Variants in SOAT1 observed in about 807,000 individuals in gnomAD.
SOAT1 encodes the protein acyl-coenzyme A:cholesterol acyltransferase 1.
A neutral mutation model predicts 69.5 loss-of-function variants in SOAT1; 55 were observed. That is an observed-to-expected ratio of 0.79 (90% CI 0.64 to 0.99). The LOEUF (loss-of-function observed/expected upper bound fraction) is 0.99, where lower values mean the gene tolerates loss of function less well. Among genes scored for constraint, SOAT1 ranks in the 50% least tolerant of loss-of-function variants. SOAT1 has a pLI of 0.00. For missense variants in SOAT1, 580 were observed against 669.3 expected, an observed-to-expected ratio of 0.87 and a Z score of 1.47; for synonymous variants, 231 against 224.7, an observed-to-expected ratio of 1.03 and a Z score of -0.25.
At chr1:179,323,579 CA>C (rs1359079487) in intron 3 of SOAT1, 84 bp downstream of exon 3, 5 of 1,094,894 alleles carry the variant, frequency 4.6e-6, no homozygotes, top group African/African-American at 1.6e-5. Flanking sequence ...CTAAATTGCT[CA>C]GATAATTATT....
At chr1:179,340,701 A>C (rs551595491) in intron 6 of SOAT1, among the ~76,000 whole-genome samples, 40 of 152,214 alleles carry the variant, frequency 2.6e-4, no homozygotes, top group African/African-American at 9.6e-4. Flanking sequence ...TTAGAAAATT[A>C]ATGTGAGAAT....
At chr1:179,319,706 T>C (rs1442795768) in intron 2 of SOAT1, among the ~76,000 whole-genome samples, 1 of 152,224 alleles carries the variant, frequency 6.6e-6, no homozygotes, top group East Asian at 1.9e-4. Flanking sequence ...AACTTCTGCT[T>C]CATAGGTTCA....
intron 2 of SOAT1, among the ~76,000 whole-genome samples, chr1:179,304,020 C>G (rs911553541): frequency 2.6e-5 from 4 of 152,120 alleles, no homozygotes; most frequent in African/African-American, 7.2e-5. Flanking sequence ...TTTCAGTGTT[C>G]TTTATTGTCC....
intron 1 of SOAT1, among the ~76,000 whole-genome samples, chr1:179,299,937 A>G (rs1054404854): frequency 2.4e-5 from 3 of 126,736 alleles, no homozygotes; most frequent in Non-Finnish European, 5.1e-5. Flanking sequence ...TTTTTTTTGT[A>G]TTTTTCGTAG....
At position 179,347,655 on chromosome 1, in the gene SOAT1, C is replaced by T; in HGVS notation, c.1173C>T (p.Ala391=). The T allele has an allele frequency of 6.2e-7, 1 of 1,613,396 alleles. No individual in the cohort carries two copies. Among genetic ancestry groups the T allele is most frequent in the Non-Finnish European group, 8.5e-7 (1 of 1,179,534 alleles). The change falls in exon 12 of 16, where the codon GCC becomes GCT. Residue 391 remains alanine, a synonymous_variant. Coordinates refer to ENST00000367619, the MANE Select transcript of SOAT1 (RefSeq NM_003101.6). ...CCTTTTTGCACTGCTGGCTCAATGC[C>T]TTTGCTGAGATGTTACGCTTTGGTG... The part of the protein sequence containing the change: ...FFAFLHCWLN[A]FAEMLRFGDR...
chr1:179,340,712 C>T (rs946491551), intron 6 of SOAT1, among the ~76,000 whole-genome samples: 13 of 152,014 alleles, frequency 8.6e-5, no homozygotes, highest in African/African-American at 3.1e-4. Context: ...ATGTGAGAAT[C>T]TAATCTTTCA....
chr1:179,349,220 G>A (rs1483748672), intron 13 of SOAT1, among the ~76,000 whole-genome samples: 1 of 151,882 alleles, frequency 6.6e-6, no homozygotes, highest in Non-Finnish European at 1.5e-5. Flanking sequence ...GGTTGTTGGA[G>A]TTGAAATGAT....
chr1:179,321,520 A>G (rs1665602846), intron 2 of SOAT1, among the ~76,000 whole-genome samples: 1 of 152,174 alleles, frequency 6.6e-6, no homozygotes, highest in South Asian at 2.1e-4. Flanking sequence ...TGTATAACAT[A>G]ATGATTTCCT....
intron 11 of SOAT1, among the ~76,000 whole-genome samples, chr1:179,347,084 C>G (rs796560179): frequency 8.6e-5 from 13 of 151,834 alleles, no homozygotes; most frequent in African/African-American, 2.9e-4. Flanking sequence ...GTAGGCTGGG[C>G]GCGATGGCTC....
intron 4 of SOAT1, 72 bp downstream of exon 4, chr1:179,335,729 C>A: frequency 7.0e-7 from 1 of 1,420,304 alleles, no homozygotes; most frequent in Non-Finnish European, 9.5e-7. Flanking sequence ...TGGACTGCGG[C>A]AAATATGCTT....
At chr1:179,344,865 G>A (rs1358750310) in intron 10 of SOAT1, 82 bp from the exon 11 acceptor site, 9 of 1,343,240 alleles carry the variant, frequency 6.7e-6, no homozygotes, top group Non-Finnish European at 9.6e-6. Flanking sequence ...GGTCACATCT[G>A]TACTTTCTTT....
At position 179,355,853 on chromosome 1, in the gene SOAT1, A is replaced by G. The variant is rs1226551660; in HGVS notation, c.*2212A>G. The G allele has an allele frequency of 6.6e-6, 1 of 152,052 alleles. No homozygotes were observed. The highest frequency in any genetic ancestry group is 2.4e-5 in the African/African-American group (1 of 41,390). 9.4% of individuals were successfully genotyped at this position (152,052 alleles called of 1,614,324 possible). ...CGGCCTCTGTTTCCTGTTATTAGTG[A>G]TTTTCCTGCCCAAGATTGCAACAAC... On this transcript the variant is annotated 3_prime_UTR_variant, in exon 16 of 16. Transcript: ENST00000367619.
chr1:179,313,329 C>T (rs1441256878), intron 2 of SOAT1, among the ~76,000 whole-genome samples: 2 of 152,096 alleles, frequency 1.3e-5, no homozygotes, highest in Admixed American at 1.3e-4. Context: ...ACTAGAAGTA[C>T]ACTGTTTAAT....
At chr1:179,325,976 A>T (rs2244570) in intron 3 of SOAT1, among the ~76,000 whole-genome samples, 7 of 152,242 alleles carry the variant, frequency 4.6e-5, no homozygotes, top group Admixed American at 6.5e-5. Context: ...TGGTTTAGCT[A>T]GTATTAATAT....
Position 179,357,888 on chromosome 1 carries a change from C to T in SOAT1, c.*4247C>T, listed in dbSNP as rs974118014. ...TTAATTCCTCAAAACATTTATGTCC[C>T]AGTTCCCTCCATTTCAGAGCCATGG... On this transcript the variant is annotated 3_prime_UTR_variant, in exon 16 of 16. Coordinates refer to ENST00000367619, the MANE Select transcript of SOAT1 (RefSeq NM_003101.6). 6.6e-6 allele frequency: 1 copy of T among 152,090 alleles called. No homozygotes were observed. The highest frequency in any genetic ancestry group is 1.5e-5 in the Non-Finnish European group (1 of 68,044). The allele number at this position is 152,090 out of a possible 1,614,324, so 9.4% of individuals were successfully genotyped here. A position where few individuals can be genotyped will look rare whatever the true frequency, so the allele number is the denominator to read the frequency against.
chr1:179,340,320 A>G (rs1349208783), intron 6 of SOAT1, among the ~76,000 whole-genome samples: 3 of 152,130 alleles, frequency 2.0e-5, no homozygotes, highest in Non-Finnish European at 4.4e-5. Context: ...CATCTCTACA[A>G]AAAATTTAAA....
At position 179,355,080 on chromosome 1, in the gene SOAT1, T is replaced by A. The variant is rs185971321; in HGVS notation, c.*1439T>A. Reference sequence around the variant, plus strand: ...GCTTAATCACGTATCTTACTCACGATACCACTGGTCCAGATGAGTTTAGGT... The same window carrying A: ...GCTTAATCACGTATCTTACTCACGAAACCACTGGTCCAGATGAGTTTAGGT... On this transcript the variant is annotated 3_prime_UTR_variant, in exon 16 of 16. Coordinates refer to ENST00000367619, the MANE Select transcript of SOAT1 (RefSeq NM_003101.6). 5.3e-4 allele frequency: 80 copies of A among 152,338 alleles called. No homozygotes were observed. The Middle Eastern group carries it at 0.01, about 19-fold the overall frequency. The allele number at this position is 152,338 out of a possible 1,614,324, so 9.4% of individuals were successfully genotyped here.
rs1666257492 is a variant in SOAT1, at chr1:179,339,438, T to C, written c.390T>C (p.Asp130=). The change falls in exon 6 of 16, where the codon GAT becomes GAC. Residue 130 remains aspartate (D), a splice_region_variant and synonymous_variant. Coordinates refer to ENST00000367619, the MANE Select transcript of SOAT1 (RefSeq NM_003101.6). ...KIFIARRSLL[D]ELLEVDHIRT... ...TGTTTTGTTTGAACTACATTTACAG[T>C]GAACTGCTTGAAGTGGACCACATCA... is the stretch of plus-strand genomic sequence containing the variant. 1 of 1,587,840 alleles carries C rather than the reference T, an allele frequency of 6.3e-7. No homozygotes were observed.
chr1:179,355,992 C>T lies in SOAT1; in HGVS notation c.*2351C>T, dbSNP rs868514240. 2.8e-4 allele frequency: 43 copies of T among 152,214 alleles called. No individual in the cohort carries two copies. Among genetic ancestry groups the T allele is most frequent in the African/African-American group, 8.9e-4 (37 of 41,456 alleles). The allele number at this position is 152,214 out of a possible 1,614,324, so 9.4% of individuals were successfully genotyped here. On this transcript the variant is annotated 3_prime_UTR_variant, in exon 16 of 16. Transcript: ENST00000367619. ...CTATGAAAGAAACTGGTTTGATAGC[C>T]ATAATCTTATTGCTAGCTGCTTTTA...
Sources: gnomAD v4.1 joint callset for allele counts (sites outside exome capture counted in the v4.1 genomes callset) on GRCh38, gnomAD v4.1.1 for gene constraint, MANE v1.5 for transcripts, NCBI Gene and HGNC (gene_info 2026-07-23, HGNC 2026-07-21) for gene names.